The following MCTP1 variants were observed in gnomAD, a reference collection of about 807,000 sequenced individuals.
MCTP1 encodes multiple C2 and transmembrane domain containing 1.
In MCTP1, 69 loss-of-function variants were observed where a neutral mutation model predicts 120.6. That is an observed-to-expected ratio of 0.57 (90% CI 0.47 to 0.70). MCTP1 has a LOEUF of 0.70. MCTP1 is among the 30% of genes least tolerant of loss of function. The pLI is 0.00. For synonymous variants in MCTP1, 529 were observed against 493.1 expected (o/e 1.07, Z -0.96); for missense variants, 1,203 against 1,248.8 (o/e 0.96, Z 0.55).
intron 18 of MCTP1, among the ~76,000 whole-genome samples, chr5:94,794,729 G>C (rs914262225): frequency 2.6e-5 from 4 of 152,158 alleles, no homozygotes; most frequent in South Asian, 2.1e-4. Flanking sequence ...TCTCTAAAAG[G>C]CTTAGCAGGA....
At chr5:95,228,663 G>C (rs1474314719) in intron 1 of MCTP1, among the ~76,000 whole-genome samples, 1 of 152,148 alleles carries the variant, frequency 6.6e-6, no homozygotes, top group Admixed American at 6.5e-5. Flanking sequence ...GTTGGAGGTA[G>C]GGCCTGGTGG....
At chr5:94,998,122 G>A (rs1279960610) in intron 2 of MCTP1, among the ~76,000 whole-genome samples, 1 of 152,022 alleles carries the variant, frequency 6.6e-6, no homozygotes, top group Non-Finnish European at 1.5e-5. Context: ...TTAAAAGGGT[G>A]TATTTTTATG....
chr5:94,861,194 C>T (rs1263718495), intron 17 of MCTP1, among the ~76,000 whole-genome samples: 1 of 151,818 alleles, frequency 6.6e-6, no homozygotes, highest in Non-Finnish European at 1.5e-5. Flanking sequence ...CTCACAGACC[C>T]ACCTGTAGCA....
intron 8 of MCTP1, among the ~76,000 whole-genome samples, chr5:94,916,818 C>A (rs1386494143): frequency 6.6e-6 from 1 of 152,210 alleles, no homozygotes; most frequent in Non-Finnish European, 1.5e-5. Context: ...GGAGTGGAGC[C>A]AGGCATTCTG....
chr5:95,041,339 C>A (rs6880819), intron 1 of MCTP1, among the ~76,000 whole-genome samples: 1,541 of 136,528 alleles, frequency 0.011, no homozygotes, highest in Middle Eastern at 0.023. Context: ...AAAGAAAAAA[C>A]AAAAAGAAAG....
chr5:94,776,083 G>A (rs1371616069), intron 19 of MCTP1, among the ~76,000 whole-genome samples: 1 of 151,520 alleles, frequency 6.6e-6, no homozygotes, highest in Non-Finnish European at 1.5e-5. Context: ...TGGTGCTACA[G>A]TCAGTACTAA....
intron 1 of MCTP1, among the ~76,000 whole-genome samples, chr5:95,244,355 T>G (rs1756512367): frequency 6.6e-6 from 1 of 152,178 alleles, no homozygotes; most frequent in Non-Finnish European, 1.5e-5. Context: ...CCACGGAGGA[T>G]GAGCCAAAGC....
chr5:94,853,758 T>G (rs1463162746), intron 17 of MCTP1, among the ~76,000 whole-genome samples: 2 of 151,972 alleles, frequency 1.3e-5, no homozygotes, highest in Non-Finnish European at 2.9e-5. Context: ...CTTTTACACC[T>G]GCTTGTACAT....
intron 2 of MCTP1, among the ~76,000 whole-genome samples, chr5:94,990,073 G>A (rs1490500013): frequency 1.3e-5 from 2 of 152,120 alleles, no homozygotes; most frequent in East Asian, 1.9e-4. Context: ...AAAAGGGGAC[G>A]GTACAATCTC....
chr5:94,835,323 T>C (rs767213486), intron 17 of MCTP1, among the ~76,000 whole-genome samples: 10 of 152,320 alleles, frequency 6.6e-5, no homozygotes, highest in Non-Finnish European at 8.8e-5. Flanking sequence ...TCTTACTTAG[T>C]TCTCACAAAA....
At chr5:95,210,319 G>T (rs1382688452) in intron 1 of MCTP1, among the ~76,000 whole-genome samples, 1 of 151,558 alleles carries the variant, frequency 6.6e-6, no homozygotes, top group East Asian at 1.9e-4. Flanking sequence ...AAGTCTCTTT[G>T]TAGGTCACTG....
intron 1 of MCTP1, among the ~76,000 whole-genome samples, chr5:95,202,624 C>T (rs572317102): frequency 6.6e-6 from 1 of 152,168 alleles, no homozygotes; most frequent in Non-Finnish European, 1.5e-5. Flanking sequence ...GAAATTTCCC[C>T]TAGAAAGTAT....
At chr5:94,839,013 T>G (rs1392184037) in intron 17 of MCTP1, among the ~76,000 whole-genome samples, 1 of 152,212 alleles carries the variant, frequency 6.6e-6, no homozygotes, top group Non-Finnish European at 1.5e-5. Flanking sequence ...ATTTAATGTC[T>G]CTGAAATTGT....
chr5:94,803,358 A>G (rs538450821), intron 17 of MCTP1, among the ~76,000 whole-genome samples: 5 of 152,310 alleles, frequency 3.3e-5, no homozygotes, highest in African/African-American at 1.2e-4. Context: ...GCCGTTAGCC[A>G]TGACTGTGGG....
At chr5:94,768,804 G>C (rs1773410037) in intron 19 of MCTP1, among the ~76,000 whole-genome samples, 1 of 152,130 alleles carries the variant, frequency 6.6e-6, no homozygotes, top group Admixed American at 6.6e-5. Context: ...AATTAGTAGA[G>C]CCATTATGGA....
chr5:94,767,719 C>T (rs991675285), intron 19 of MCTP1, among the ~76,000 whole-genome samples: 2 of 151,956 alleles, frequency 1.3e-5, no homozygotes, highest in South Asian at 4.1e-4. Context: ...TGTAAAGGAC[C>T]TCTACAAGGA....
At chr5:94,797,861 T>G (rs1780411180) in intron 18 of MCTP1, among the ~76,000 whole-genome samples, 1 of 152,128 alleles carries the variant, frequency 6.6e-6, no homozygotes, top group African/African-American at 2.4e-5. Context: ...TTGAAGAATT[T>G]TATATTTTGC....
intron 1 of MCTP1, among the ~76,000 whole-genome samples, chr5:95,126,546 G>A (rs1004938782): frequency 2.0e-5 from 3 of 152,084 alleles, no homozygotes; most frequent in African/African-American, 4.8e-5. Flanking sequence ...TTTTTTAGAC[G>A]TATAAACACC....
intron 19 of MCTP1, among the ~76,000 whole-genome samples, chr5:94,764,894 G>A (rs1389162864): frequency 6.7e-6 from 1 of 149,110 alleles, no homozygotes; most frequent in Non-Finnish European, 1.5e-5. Context: ...AGACCAAATG[G>A]ACCTAACAGA....
Sources: allele counts gnomAD v4.1 joint callset (sites outside exome capture counted in the v4.1 genomes callset), GRCh38; gene constraint gnomAD v4.1.1; transcripts MANE v1.5; gene names NCBI Gene and HGNC (gene_info 2026-07-23, HGNC 2026-07-21).